The following UNC5D variants were observed in gnomAD, a reference collection of about 807,000 sequenced individuals.
UNC5D encodes unc-5 netrin receptor D.
A neutral mutation model predicts 105.4 loss-of-function variants in UNC5D; 39 were observed. That is an observed-to-expected ratio of 0.37 (90% CI 0.29 to 0.48). The LOEUF (loss-of-function observed/expected upper bound fraction) is 0.48. Among genes scored for constraint, UNC5D ranks in the 20% least tolerant of loss-of-function variants. The probability of loss-of-function intolerance (pLI) is 0.98; values close to 1 mark genes in which losing one functional copy is unlikely to be tolerated. For synonymous variants in UNC5D, 452 were observed against 450.4 expected (o/e 1.00, Z -0.04); for missense variants, 991 against 1,202.4 (o/e 0.82, Z 2.60).
chr8:35,464,923 A>G (rs977724545), intron 1 of UNC5D, among the ~76,000 whole-genome samples: 6 of 152,164 alleles, frequency 3.9e-5, no homozygotes, highest in African/African-American at 1.4e-4. Flanking sequence ...CTGCCTTTAC[A>G]GTGATTTTCA....
At chr8:35,629,549 G>C (rs1821910595) in intron 4 of UNC5D, among the ~76,000 whole-genome samples, 2 of 152,104 alleles carry the variant, frequency 1.3e-5, no homozygotes, top group Admixed American at 1.3e-4. Flanking sequence ...CAAAATGGGG[G>C]TAGGAGAGGG....
At chr8:35,781,967 C>A (rs1180031887) in intron 16 of UNC5D, among the ~76,000 whole-genome samples, 1 of 152,156 alleles carries the variant, frequency 6.6e-6, no homozygotes, top group Non-Finnish European at 1.5e-5. Context: ...AATTAATGCA[C>A]CACTTTTAGA....
intron 1 of UNC5D, among the ~76,000 whole-genome samples, chr8:35,386,464 T>C (rs1803404671): frequency 6.6e-6 from 1 of 152,214 alleles, no homozygotes; most frequent in Admixed American, 6.5e-5. Context: ...CTTCTGTTAA[T>C]TGTTTTTTAC....
chr8:35,419,501 G>T (rs999350399), intron 1 of UNC5D, among the ~76,000 whole-genome samples: 3 of 152,202 alleles, frequency 2.0e-5, no homozygotes, highest in Non-Finnish European at 4.4e-5. Flanking sequence ...AGAAAACTTG[G>T]AGAGTCCAGC....
intron 1 of UNC5D, among the ~76,000 whole-genome samples, chr8:35,340,085 T>C (rs78335656): frequency 0.015 from 2,326 of 152,320 alleles, 65 homozygotes; most frequent in African/African-American, 0.054. Flanking sequence ...TGTTCAGGAA[T>C]GGGTAAAGGC....
intron 1 of UNC5D, among the ~76,000 whole-genome samples, chr8:35,506,775 A>G (rs150056023): frequency 2.6e-5 from 4 of 152,322 alleles, no homozygotes; most frequent in Admixed American, 2.0e-4. Context: ...AGCTGTGTCC[A>G]GCATTCACCA....
At chr8:35,708,188 C>A (rs1827715496) in intron 8 of UNC5D, among the ~76,000 whole-genome samples, 2 of 152,182 alleles carry the variant, frequency 1.3e-5, no homozygotes, top group African/African-American at 4.8e-5. Flanking sequence ...CAGAGCTCTG[C>A]ACAGAGTGCT....
At chr8:35,498,084 C>CAAAAAAAAAAAAAAAAAAAA (rs58175711) in intron 1 of UNC5D, among the ~76,000 whole-genome samples, 3 of 58,178 alleles carry the variant, frequency 5.2e-5, no homozygotes, top group Non-Finnish European at 9.4e-5. Flanking sequence ...CAAAACAAAA[C>CAAAAAAAAAAAAAAAAAAAA]AAAAAAAAAA....
At chr8:35,496,952 A>G (rs2130183894) in intron 1 of UNC5D, among the ~76,000 whole-genome samples, 1 of 152,104 alleles carries the variant, frequency 6.6e-6, no homozygotes, top group African/African-American at 2.4e-5. Context: ...TCTTTTCCTC[A>G]CCCATCCTAC....
At chr8:35,763,883 G>A (rs1801652712) in intron 14 of UNC5D, among the ~76,000 whole-genome samples, 1 of 152,136 alleles carries the variant, frequency 6.6e-6, no homozygotes, top group African/African-American at 2.4e-5. Context: ...GACCACTGTG[G>A]TCTCCCAAGC....
At chr8:35,740,832 AAAG>A (rs980084927) in intron 11 of UNC5D, among the ~76,000 whole-genome samples, 48 of 152,148 alleles carry the variant, frequency 3.2e-4, no homozygotes, top group Admixed American at 3.0e-3. Flanking sequence ...GCATCTGAAC[AAAG>A]AAGATGTTGG....
chr8:35,525,467 C>T, intron 1 of UNC5D: 2 of 1,612,276 alleles, frequency 1.2e-6, no homozygotes, highest in Non-Finnish European at 8.5e-7. Context: ...AGGCCTGGCT[C>T]AGCTTCTCCT....
chr8:35,445,694 A>T (rs1807733633), intron 1 of UNC5D, among the ~76,000 whole-genome samples: 1 of 152,080 alleles, frequency 6.6e-6, no homozygotes, highest in Admixed American at 6.6e-5. Flanking sequence ...CAGTATGGGA[A>T]CATCAACATC....
At chr8:35,268,808 G>A (rs1298951074) in intron 1 of UNC5D, among the ~76,000 whole-genome samples, 1 of 152,156 alleles carries the variant, frequency 6.6e-6, no homozygotes, top group Non-Finnish European at 1.5e-5. Flanking sequence ...GAGGAATACA[G>A]TCAGAGAAAG....
At chr8:35,686,494 G>T in intron 6 of UNC5D, 51 bp from the exon 7 acceptor site, 1 of 1,502,932 alleles carries the variant, frequency 6.7e-7, no homozygotes, top group South Asian at 1.4e-5. Flanking sequence ...TGAGTCTCCT[G>T]ACCGCTACTT....
intron 1 of UNC5D, among the ~76,000 whole-genome samples, chr8:35,333,397 C>T (rs1259824627): frequency 6.6e-6 from 1 of 152,016 alleles, no homozygotes; most frequent in Non-Finnish European, 1.5e-5. Context: ...CCTTCCAAAT[C>T]CTGATTTAAT....
chr8:35,304,279 C>T (rs556528422), intron 1 of UNC5D, among the ~76,000 whole-genome samples: 13 of 152,034 alleles, frequency 8.6e-5, no homozygotes, highest in African/African-American at 3.1e-4. Context: ...TGTTGATTTG[C>T]ATTTTTGACA....
intron 4 of UNC5D, among the ~76,000 whole-genome samples, chr8:35,647,444 T>G (rs1279305581): frequency 6.6e-6 from 1 of 152,066 alleles, no homozygotes; most frequent in Non-Finnish European, 1.5e-5. Flanking sequence ...TGTACAATTA[T>G]ATGTCTTTAG....
intron 3 of UNC5D, among the ~76,000 whole-genome samples, chr8:35,585,710 G>C (rs560124003): frequency 1.3e-5 from 2 of 151,824 alleles, no homozygotes; most frequent in African/African-American, 4.8e-5. Flanking sequence ...GATCTTTGTT[G>C]CTTCCTTCTT....
Sources: gnomAD v4.1 joint callset for allele counts (sites outside exome capture counted in the v4.1 genomes callset) on GRCh38, gnomAD v4.1.1 for gene constraint, MANE v1.5 for transcripts, NCBI Gene and HGNC (gene_info 2026-07-23, HGNC 2026-07-21) for gene names.